The following ZNF704 variants were observed in gnomAD, a reference collection of about 807,000 sequenced individuals.
ZNF704 encodes glucocorticoid induced gene 1.
Under a neutral mutation model 44.7 loss-of-function variants are expected in ZNF704, and 10 were observed. The observed-to-expected ratio is 0.22, with a 90% confidence interval of 0.14 to 0.38. The LOEUF is 0.38. Among genes scored for constraint, ZNF704 ranks in the 10% least tolerant of loss-of-function variants. ZNF704 has a pLI of 1.00. For synonymous variants in ZNF704, 211 were observed against 207.6 expected, an observed-to-expected ratio of 1.02 and a Z score of -0.14; for missense variants, 390 against 545.5, an observed-to-expected ratio of 0.71 and a Z score of 2.84.
chr8:80,650,810 A>G (rs1817905450), intron 7 of ZNF704, among the ~76,000 whole-genome samples: 1 of 152,202 alleles, frequency 6.6e-6, no homozygotes, highest in Non-Finnish European at 1.5e-5. Context: ...CAGGAAATAC[A>G]GAGAATGCCA....
At chr8:80,705,590 G>A (rs778805101) in intron 2 of ZNF704, among the ~76,000 whole-genome samples, 14 of 150,846 alleles carry the variant, frequency 9.3e-5, no homozygotes, top group Non-Finnish European at 1.5e-4. Flanking sequence ...GTGTGTATCC[G>A]TGTATGCATT....
chr8:80,883,107 G>GCA, the ZNF704 span, among the ~76,000 whole-genome samples: 3 of 148,268 alleles, frequency 2.0e-5, no homozygotes, highest in East Asian at 5.9e-4. Flanking sequence ...AATTAGCCAG[G>GCA]CATGGCAGTG....
intron 1 of ZNF704, among the ~76,000 whole-genome samples, chr8:80,825,667 T>C (rs1808358877): frequency 6.6e-6 from 1 of 152,180 alleles, no homozygotes; most frequent in East Asian, 1.9e-4. Context: ...ATTGACCACA[T>C]AGTTGGAAGT....
chr8:80,686,832 G>A (rs775119138), intron 4 of ZNF704, among the ~76,000 whole-genome samples: 4 of 152,052 alleles, frequency 2.6e-5, no homozygotes, highest in Admixed American at 2.6e-4. Context: ...TAACCCTTCA[G>A]GGCTGATTGA....
At chr8:80,726,083 C>A (rs558578668) in intron 2 of ZNF704, among the ~76,000 whole-genome samples, 16 of 152,108 alleles carry the variant, frequency 1.1e-4, no homozygotes, top group African/African-American at 3.1e-4. Context: ...TGTTTAGATA[C>A]AGAGCATATC....
At chr8:80,866,295 G>C (rs1003689491) in intron 1 of ZNF704, among the ~76,000 whole-genome samples, 3 of 152,176 alleles carry the variant, frequency 2.0e-5, no homozygotes, top group Admixed American at 6.6e-5. Context: ...CAGACAACTT[G>C]GCAGGAATGT....
chr8:80,866,240 G>T (rs1346482554), intron 1 of ZNF704, among the ~76,000 whole-genome samples: 2 of 152,152 alleles, frequency 1.3e-5, no homozygotes, highest in South Asian at 2.1e-4. Flanking sequence ...ATCTAATCTT[G>T]ATCTCATTAG....
chr8:80,752,511 T>G (rs1690428685), intron 2 of ZNF704, among the ~76,000 whole-genome samples: 2 of 151,150 alleles, frequency 1.3e-5, no homozygotes, highest in Admixed American at 1.3e-4. Context: ...AATGCTAGCC[T>G]GCTCTGCTTT....
At chr8:80,766,334 G>A (rs747524777) in intron 2 of ZNF704, among the ~76,000 whole-genome samples, 10 of 152,064 alleles carry the variant, frequency 6.6e-5, no homozygotes, top group Non-Finnish European at 7.4e-5. Context: ...TCCCTGCTGT[G>A]TGCAGGAAGT....
At chr8:80,830,755 T>TTCTTTC (rs902229759) in intron 1 of ZNF704, among the ~76,000 whole-genome samples, 9 of 134,318 alleles carry the variant, frequency 6.7e-5, no homozygotes, top group Non-Finnish European at 1.3e-4. Flanking sequence ...GTTTCTTTCT[T>TTCTTTC]TTTTTTTTTT....
chr8:80,662,342 A>G (rs1050193666), intron 6 of ZNF704, among the ~76,000 whole-genome samples: 4 of 152,152 alleles, frequency 2.6e-5, no homozygotes, highest in African/African-American at 9.6e-5. Context: ...ATAAACAGAA[A>G]AGTCTCAATA....
At chr8:80,823,035 G>T (rs530825248) in intron 1 of ZNF704, among the ~76,000 whole-genome samples, 1 of 152,118 alleles carries the variant, frequency 6.6e-6, no homozygotes, top group Non-Finnish European at 1.5e-5. Flanking sequence ...CAGAAGACAG[G>T]GGATTTCTGC....
chr8:80,676,850 G>T (rs1818374762), intron 4 of ZNF704, among the ~76,000 whole-genome samples: 1 of 152,208 alleles, frequency 6.6e-6, no homozygotes, highest in African/African-American at 2.4e-5. Context: ...GCTCCTATGA[G>T]AATCTAATGC....
rs971321152 is a variant in ZNF704 at position 80,629,972 on chromosome 8, T to A, written c.*11394A>T. The A allele has an allele frequency of 6.6e-6, 1 of 152,236 alleles. No individual in the cohort carries two copies. The highest frequency in any genetic ancestry group is 2.1e-4 in the South Asian group (1 of 4,828). The allele number at this position is 152,236 out of a possible 1,614,324, so 9.4% of individuals were successfully genotyped here. A position where few individuals can be genotyped will look rare whatever the true frequency, so the allele number is the denominator to read the frequency against. ...AAATAAACCATTTCCCATTTATTCA[T>A]CTTAATGATGGAATTTTTTAGAGCC... On this transcript the variant is annotated 3_prime_UTR_variant, in exon 9 of 9. Coordinates refer to ENST00000327835, the MANE Select transcript of ZNF704 (RefSeq NM_001033723.3).
At chr8:80,807,223 A>C (rs1213101701) in intron 2 of ZNF704, among the ~76,000 whole-genome samples, 2 of 152,134 alleles carry the variant, frequency 1.3e-5, no homozygotes, top group Non-Finnish European at 2.9e-5. Context: ...AAGCTATGGA[A>C]GCCTGTTCCT....
At position 80,874,290 on chromosome 8, in the gene ZNF704, G is replaced by C. The variant is rs1809322066; in HGVS notation, c.-22+281C>G. 6.9e-6 allele frequency among the ~76,000 whole-genome samples: 1 copy of C among 145,104 alleles called. No homozygotes were observed. Among genetic ancestry groups the C allele is most frequent in the Non-Finnish European group, 1.5e-5 (1 of 65,324 alleles). On this transcript the variant is annotated intron_variant, in intron 1 of 8. Transcript: ENST00000327835. The surrounding 1 kb of genome is among the most constrained non-coding windows in gnomAD (Gnocchi z 4.4). ...GGGCGGCGCGGCGGCCGCGGGCGGGGGTGGGTGTGAGCGAGCGGCGCGCTG... is the reference window on the plus strand; with the variant it reads ...GGGCGGCGCGGCGGCCGCGGGCGGGCGTGGGTGTGAGCGAGCGGCGCGCTG...
chr8:80,880,914 C>T, the ZNF704 span, among the ~76,000 whole-genome samples: 1 of 152,196 alleles, frequency 6.6e-6, no homozygotes, highest in Non-Finnish European at 1.5e-5. Flanking sequence ...ATAATATTTG[C>T]TTACCAGGCT....
intron 2 of ZNF704, among the ~76,000 whole-genome samples, chr8:80,710,600 G>GAA (rs1818970150): frequency 6.6e-6 from 1 of 152,176 alleles, no homozygotes; most frequent in Non-Finnish European, 1.5e-5. Context: ...CATGAAGGTA[G>GAA]AGCCCCCAGG....
intron 2 of ZNF704, among the ~76,000 whole-genome samples, chr8:80,774,261 G>T (rs1807373699): frequency 6.6e-6 from 1 of 151,746 alleles, no homozygotes; most frequent in Non-Finnish European, 1.5e-5. Context: ...GTAGAGATGG[G>T]GTCTCTTTAT....
Sources: gnomAD v4.1 joint callset for allele counts (sites outside exome capture counted in the v4.1 genomes callset) on GRCh38, gnomAD v4.1.1 for gene constraint, Gnocchi (gnomAD v3.1) non-coding constraint, MANE v1.5 for transcripts, NCBI Gene and HGNC (gene_info 2026-07-23, HGNC 2026-07-21) for gene names.